AKR1C3: variants seen among roughly 807,000 people sequenced by gnomAD.
AKR1C3 encodes 3-alpha hydroxysteroid dehydrogenase, type II.
AKR1C3 carries 48 observed loss-of-function variants against 43.6 expected under a neutral mutation model. The observed-to-expected ratio is 1.10, with a 90% CI of 0.87 to 1.40. AKR1C3 has a LOEUF of 1.40. Ranked by LOEUF, AKR1C3 falls within the 40% of genes most tolerant of loss-of-function variation. The pLI is 0.00. For synonymous variants in AKR1C3, 162 were observed against 139.6 expected (o/e 1.16, Z -1.13); for missense variants, 482 against 391.2 (o/e 1.23, Z -1.96).
At chr10:5,107,319 G>A in intron 8 of AKR1C3, 142 bp from the exon 9 acceptor site, 1 of 634,340 alleles carries the variant, frequency 1.6e-6, no homozygotes, top group Non-Finnish European at 2.8e-6. Context: ...ATGAAGCCAT[G>A]TTCATAAAGG....
rs782490921 is a variant in AKR1C3, at chr10:5,099,004, A to G, written c.447+125A>G. ...AGAAATTCAGAAACTTTACAAGAGT[A>G]GCTTTGGTGAGATGAAGGGAAAAAC... is the stretch of plus-strand genomic sequence containing the variant. On this transcript the variant is annotated intron_variant, in intron 4 of 8. Coordinates refer to ENST00000380554, the MANE Select transcript of AKR1C3 (RefSeq NM_003739.6). 77 of 897,836 alleles carry G rather than the reference A, an allele frequency of 8.6e-5. 1 individual carries two copies. The African/African-American group carries it at 1.1e-3, about 13-fold the overall frequency. The allele number at this position is 897,836 out of a possible 1,614,324, so 55.6% of individuals were successfully genotyped here.
At chr10:5,078,545 G>A (rs1020553237) in intron 1 of AKR1C3, among the ~76,000 whole-genome samples, 3 of 152,126 alleles carry the variant, frequency 2.0e-5, no homozygotes, top group Admixed American at 2.0e-4. Flanking sequence ...GAGAATTCTT[G>A]GGTCAAATGA....
intron 1 of AKR1C3, among the ~76,000 whole-genome samples, chr10:5,087,466 A>T (rs1554783367): frequency 1.3e-5 from 2 of 149,028 alleles, no homozygotes; most frequent in African/African-American, 5.0e-5. Context: ...TTGACCTCCC[A>T]GGTTCAAGCG....
chr10:5,052,627 G>A (rs1463042371), intron 1 of AKR1C3, among the ~76,000 whole-genome samples: 6 of 151,758 alleles, frequency 4.0e-5, no homozygotes, highest in Admixed American at 1.3e-4. Flanking sequence ...CTAGACACAC[G>A]GTGCTAATTG....
intron 1 of AKR1C3, among the ~76,000 whole-genome samples, chr10:5,083,951 T>G (rs1260627444): frequency 3.9e-5 from 6 of 152,260 alleles, no homozygotes; most frequent in African/African-American, 1.4e-4. Context: ...TAAATTTGTT[T>G]GAGTTCATTG....
At chr10:5,053,083 C>A (rs2131772989) in intron 1 of AKR1C3, among the ~76,000 whole-genome samples, 1 of 151,944 alleles carries the variant, frequency 6.6e-6, no homozygotes, top group East Asian at 1.9e-4. Context: ...GCTGGCTTCA[C>A]CCAGTGGATC....
At position 5,097,490 on chromosome 10, in the gene AKR1C3, G is replaced by A. The variant is rs781961155; in HGVS notation, c.309G>A (p.Leu103=). 6.2e-7 allele frequency: 1 copy of A among 1,613,806 alleles called. No homozygotes were observed. The highest frequency in any genetic ancestry group is 1.1e-5 in the South Asian group (1 of 91,064). ...ELVRPALENS[L]KKAQLDYVDL... ...TCCGACCAGCCTTGGAAAACTCACTGAAGAAAGCTCAATTGGACTATGTTG... is the reference window on the plus strand; with the variant it reads ...TCCGACCAGCCTTGGAAAACTCACTAAAGAAAGCTCAATTGGACTATGTTG... The change falls in exon 3 of 9, where the codon CTG becomes CTA. Residue 103 remains leucine (L), a synonymous_variant. Transcript: ENST00000380554.
At chr10:5,075,301 T>C (rs1024065853) in intron 1 of AKR1C3, among the ~76,000 whole-genome samples, 10 of 152,166 alleles carry the variant, frequency 6.6e-5, no homozygotes, top group African/African-American at 2.2e-4. Context: ...ATCTGCCTTT[T>C]GTTAGGTGAA....
At chr10:5,078,594 C>G (rs1282197337) in intron 1 of AKR1C3, among the ~76,000 whole-genome samples, 1 of 152,188 alleles carries the variant, frequency 6.6e-6, no homozygotes, top group Non-Finnish European at 1.5e-5. Context: ...CAGCAAAGTA[C>G]AGTACCTGTT....
At chr10:5,086,070 T>A (rs567690657) in intron 1 of AKR1C3, among the ~76,000 whole-genome samples, 1 of 151,996 alleles carries the variant, frequency 6.6e-6, no homozygotes, top group East Asian at 1.9e-4. Flanking sequence ...TGTGTCTCTA[T>A]TTCCTTCAGT....
chr10:5,099,491 C>T (rs782228147), intron 5 of AKR1C3, 42 bp downstream of exon 5: 3 of 1,613,460 alleles, frequency 1.9e-6, no homozygotes, highest in African/African-American at 2.7e-5. Flanking sequence ...TCTTCATGCC[C>T]CCTCTTCCTG....
At chr10:5,065,704 A>G (rs1257231701) in intron 1 of AKR1C3, among the ~76,000 whole-genome samples, 2 of 152,194 alleles carry the variant, frequency 1.3e-5, no homozygotes, top group East Asian at 3.9e-4. Context: ...CCCTATGTAA[A>G]TGAAGAGGAC....
intron 1 of AKR1C3, among the ~76,000 whole-genome samples, chr10:5,062,735 A>G (rs1390734075): frequency 3.3e-5 from 5 of 152,118 alleles, no homozygotes; most frequent in African/African-American, 1.2e-4. Flanking sequence ...TAGCAAGCAT[A>G]ACATGTTTTT....
chr10:5,082,948 A>G (rs1201913071), intron 1 of AKR1C3, among the ~76,000 whole-genome samples: 2 of 152,042 alleles, frequency 1.3e-5, no homozygotes, highest in Non-Finnish European at 2.9e-5. Context: ...GAAAATTTTT[A>G]ATTACTGATT....
rs376586665 is a variant in AKR1C3 at position 5,102,045 on chromosome 10, A to G, written c.571-56A>G. ...CAGCTTCCTTACTTTCATCTTTTCA[A>G]TATTAACATAACTATTTCATATAAA... On this transcript the variant is annotated intron_variant, in intron 5 of 8. Transcript: ENST00000380554. 1.4e-3 allele frequency: 1,517 copies of G among 1,109,302 alleles called. 13 individuals are homozygous for G. The South Asian group carries it at 0.018, about 13-fold the overall frequency. The allele number at this position is 1,109,302 out of a possible 1,614,324, so 68.7% of individuals were successfully genotyped here.
At chr10:5,085,573 G>C (rs1259173568) in intron 1 of AKR1C3, among the ~76,000 whole-genome samples, 1 of 151,780 alleles carries the variant, frequency 6.6e-6, no homozygotes, top group Non-Finnish European at 1.5e-5. Context: ...TTGGTATCAG[G>C]ATGACGCTGG....
chr10:5,058,077 C>T (rs763566529), intron 1 of AKR1C3, among the ~76,000 whole-genome samples: 13 of 151,978 alleles, frequency 8.6e-5, no homozygotes, highest in East Asian at 7.7e-4. Context: ...ACCAATAGCC[C>T]GGGGGGTTTT....
chr10:5,053,182 G>A (rs1554779155), intron 1 of AKR1C3, among the ~76,000 whole-genome samples: 1 of 152,252 alleles, frequency 6.6e-6, no homozygotes, highest in Non-Finnish European at 1.5e-5. Flanking sequence ...GGGACTGGGT[G>A]CCGTGGAGCA....
At chr10:5,052,752 G>A (rs931539617) in intron 1 of AKR1C3, among the ~76,000 whole-genome samples, 2 of 152,080 alleles carry the variant, frequency 1.3e-5, no homozygotes, top group Non-Finnish European at 1.5e-5. Context: ...ACAGAGTGTG[G>A]ACACAAAGGT....
Sources: gnomAD v4.1 joint callset for allele counts (sites outside exome capture counted in the v4.1 genomes callset) on GRCh38, gnomAD v4.1.1 for gene constraint, MANE v1.5 for transcripts, NCBI Gene and HGNC (gene_info 2026-07-23, HGNC 2026-07-21) for gene names.